The following CNTN5 variants were observed in gnomAD, a reference collection of about 807,000 sequenced individuals.
CNTN5 encodes the protein contactin 5, also known as contactin-5.
CNTN5 carries 77 observed loss-of-function variants against 129.1 expected under a neutral mutation model. That is an observed-to-expected ratio of 0.60 (90% CI 0.50 to 0.72). CNTN5 has a LOEUF of 0.72. Among genes scored for constraint, CNTN5 ranks in the 30% least tolerant of loss-of-function variants. CNTN5 has a pLI of 0.00. For missense variants in CNTN5, 1,478 were observed against 1,328.8 expected (o/e 1.11, Z -1.75); for synonymous variants, 509 against 465.6 (o/e 1.09, Z -1.20).
chr11:99,846,976 G>A (rs1947719506), intron 6 of CNTN5, among the ~76,000 whole-genome samples: 2 of 152,050 alleles, frequency 1.3e-5, no homozygotes, highest in South Asian at 4.2e-4. Context: ...TTTACATTAT[G>A]CACAATTAAT....
At chr11:100,159,449 G>A (rs1243217672) in intron 13 of CNTN5, among the ~76,000 whole-genome samples, 1 of 151,768 alleles carries the variant, frequency 6.6e-6, no homozygotes, top group Non-Finnish European at 1.5e-5. Flanking sequence ...TTCTCAGAAC[G>A]AATATGGATG....
chr11:99,979,975 G>C (rs1258333834), intron 8 of CNTN5, among the ~76,000 whole-genome samples: 3 of 152,172 alleles, frequency 2.0e-5, no homozygotes, highest in African/African-American at 7.2e-5. Context: ...GAGTAGAGTT[G>C]TTATAGCTAA....
At chr11:99,535,032 C>G (rs568818742) in intron 2 of CNTN5, among the ~76,000 whole-genome samples, 14 of 152,166 alleles carry the variant, frequency 9.2e-5, no homozygotes, top group South Asian at 6.2e-4. Context: ...TAGTTGGAGG[C>G]CAGCCCATGT....
intron 6 of CNTN5, among the ~76,000 whole-genome samples, chr11:99,895,313 T>C (rs11221803): frequency 0.058 from 8,789 of 152,236 alleles, 853 homozygotes; most frequent in African/African-American, 0.2. Flanking sequence ...AGAAGAAGAC[T>C]TGATCTGTAC....
At chr11:99,907,142 G>T (rs1186534328) in intron 6 of CNTN5, among the ~76,000 whole-genome samples, 1 of 151,952 alleles carries the variant, frequency 6.6e-6, no homozygotes, top group African/African-American at 2.4e-5. Context: ...TCTGATGTTA[G>T]TTATTTCTTG....
chr11:100,199,841 A>T (rs1948732857), intron 15 of CNTN5, among the ~76,000 whole-genome samples: 1 of 151,986 alleles, frequency 6.6e-6, no homozygotes, highest in African/African-American at 2.4e-5. Flanking sequence ...AAGGGCTAAT[A>T]AGTAATTTTA....
intron 3 of CNTN5, among the ~76,000 whole-genome samples, chr11:99,650,198 CTG>C (rs1194924789): frequency 2.0e-5 from 3 of 151,890 alleles, no homozygotes; most frequent in South Asian, 2.1e-4. Context: ...ATTGTAAAAA[CTG>C]TGATCTCAAT....
intron 2 of CNTN5, among the ~76,000 whole-genome samples, chr11:99,544,715 G>T (rs758530545): frequency 2.0e-5 from 3 of 152,168 alleles, no homozygotes; most frequent in African/African-American, 7.2e-5. Flanking sequence ...GCAAAGGCTG[G>T]TGCTACCTGG....
chr11:99,995,126 G>A (rs1939359029), intron 8 of CNTN5, among the ~76,000 whole-genome samples: 1 of 152,088 alleles, frequency 6.6e-6, no homozygotes, highest in Non-Finnish European at 1.5e-5. Context: ...GTAATTGAGG[G>A]AGTTAGCCTT....
intron 1 of CNTN5, among the ~76,000 whole-genome samples, chr11:99,044,613 G>C (rs1378068592): frequency 2.0e-5 from 3 of 152,056 alleles, no homozygotes; most frequent in Non-Finnish European, 2.9e-5. Flanking sequence ...GGATCATTTT[G>C]CCACAGAATT....
intron 2 of CNTN5, among the ~76,000 whole-genome samples, chr11:99,416,573 A>G (rs1050486547): frequency 1.3e-5 from 2 of 152,142 alleles, no homozygotes; most frequent in African/African-American, 4.8e-5. Flanking sequence ...AGCATAAGCC[A>G]TCATGCCCAG....
chr11:99,566,247 G>C (rs893531723), intron 3 of CNTN5, among the ~76,000 whole-genome samples: 1 of 152,034 alleles, frequency 6.6e-6, no homozygotes, highest in Admixed American at 6.6e-5. Context: ...ACTATTGCTT[G>C]CTCCTGCTCT....
chr11:100,007,598 T>C (rs770621359), intron 9 of CNTN5, among the ~76,000 whole-genome samples: 11 of 152,094 alleles, frequency 7.2e-5, no homozygotes, highest in Non-Finnish European at 1.3e-4. Flanking sequence ...CTTCCTCACC[T>C]CTGTCAGCCT....
At chr11:99,616,397 C>T (rs1292055049) in intron 3 of CNTN5, among the ~76,000 whole-genome samples, 1 of 152,140 alleles carries the variant, frequency 6.6e-6, no homozygotes, top group Non-Finnish European at 1.5e-5. Context: ...GTTCTCTTAA[C>T]TATAATGTGA....
intron 6 of CNTN5, among the ~76,000 whole-genome samples, chr11:99,880,263 C>T (rs1948737840): frequency 6.6e-6 from 1 of 152,090 alleles, no homozygotes; most frequent in Non-Finnish European, 1.5e-5. Flanking sequence ...CCCTCTTTTC[C>T]TCTCACAATA....
chr11:99,631,895 A>G (rs1208195662), intron 3 of CNTN5, among the ~76,000 whole-genome samples: 3 of 152,204 alleles, frequency 2.0e-5, no homozygotes, highest in African/African-American at 4.8e-5. Context: ...ATTTTGAGAG[A>G]CAGACCACAT....
At chr11:99,117,006 G>A (rs535975554) in intron 1 of CNTN5, among the ~76,000 whole-genome samples, 17 of 152,178 alleles carry the variant, frequency 1.1e-4, no homozygotes, top group African/African-American at 4.1e-4. Flanking sequence ...GTCAAGGTGA[G>A]GCTTAATGAA....
intron 2 of CNTN5, among the ~76,000 whole-genome samples, chr11:99,487,493 A>G (rs1458959999): frequency 6.6e-6 from 1 of 152,212 alleles, no homozygotes; most frequent in African/African-American, 2.4e-5. Context: ...GCAAATGCAA[A>G]TATTCACTTA....
chr11:99,578,656 G>A (rs991053904), intron 3 of CNTN5, among the ~76,000 whole-genome samples: 19 of 149,456 alleles, frequency 1.3e-4, no homozygotes, highest in Admixed American at 4.0e-4. Flanking sequence ...CATGTCCTTC[G>A]CCCACTTTTT....
Sources: allele counts gnomAD v4.1 joint callset (sites outside exome capture counted in the v4.1 genomes callset), GRCh38; gene constraint gnomAD v4.1.1; transcripts MANE v1.5; gene names NCBI Gene and HGNC (gene_info 2026-07-23, HGNC 2026-07-21).